UBR2: variants seen among roughly 807,000 people sequenced by gnomAD.
UBR2 encodes the protein ubiquitin protein ligase E3 component n-recognin 2.
A neutral mutation model predicts 247.9 loss-of-function variants in UBR2; 92 were observed. The observed-to-expected ratio is 0.37, with a 90% CI of 0.31 to 0.44. The LOEUF is 0.44. UBR2 is among the 20% of genes least tolerant of loss of function. The pLI is 1.00. For missense variants in UBR2, 1,613 were observed against 2,112.6 expected (o/e 0.76, Z 4.64); for synonymous variants, 672 against 693.5 (o/e 0.97, Z 0.49).
intron 15 of UBR2, 29 bp from the exon 16 acceptor site, chr6:42,640,180 T>A (rs1337479199): frequency 9.5e-6 from 15 of 1,571,858 alleles, no homozygotes; most frequent in Non-Finnish European, 1.3e-5. Context: ...CTGATAGAAA[T>A]ACTGTTTTTT....
chr6:42,672,890 CTAGTGTAT>C (rs1337868822), intron 36 of UBR2, among the ~76,000 whole-genome samples: 1 of 152,120 alleles, frequency 6.6e-6, no homozygotes, highest in Non-Finnish European at 1.5e-5. Context: ...GAACCAAGAC[CTAGTGTAT>C]ATAGTAGGAC....
chr6:42,641,565 A>AT lies in UBR2; in HGVS notation c.1921-11dup, dbSNP rs1244508573. 1.3e-6 allele frequency: 2 copies of AT among 1,564,218 alleles called. No individual in the cohort carries two copies. Among genetic ancestry groups the AT allele is most frequent in the African/African-American group, 1.4e-5 (1 of 70,926 alleles). ...TGTTTTTTTTGTTTTCTGTTTTTTT[A>AT]TTTTTTGTATATATAGAGTGAACTT... On this transcript the variant is annotated splice_polypyrimidine_tract_variant and intron_variant, in intron 16 of 46. Transcript: ENST00000372901.
Position 42,619,453 on chromosome 6 carries a change from A to ATATAAATTTTTTTTT in UBR2, c.1281+1947_1281+1948insATAAATTTTTTTTTT. ...TATATATATATATATATATATATAT[A>ATATAAATTTTTTTTT]TTTTTTTTTTTTAGTTCTCTATCTC... On this transcript the variant is annotated intron_variant, in intron 11 of 46. Coordinates refer to ENST00000372901, the MANE Select transcript of UBR2 (RefSeq NM_001363705.2). 8.0e-4 allele frequency: 19 copies of ATATAAATTTTTTTTT among 23,716 alleles called. 2 individuals are homozygous for ATATAAATTTTTTTTT. The highest frequency in any genetic ancestry group is 2.4e-3 in the African/African-American group (19 of 8,076). 1.5% of individuals were successfully genotyped at this position (23,716 alleles called of 1,614,324 possible). A position where few individuals can be genotyped will look rare whatever the true frequency, so the allele number is the denominator to read the frequency against.
At position 42,581,497 on chromosome 6, in the gene UBR2, G is replaced by C. The variant is rs980214118; in HGVS notation, c.338+7504G>C. Among the ~76,000 whole-genome samples, 5 of 152,168 alleles carry C rather than the reference G, an allele frequency of 3.3e-5. No individual in the cohort carries two copies. The East Asian group carries it at 5.8e-4, about 18-fold the overall frequency. ...TGAGCCACTGTGCCCAGCCAACCTG[G>C]CTAATTTTTTGAAGAGACAAGGTCT... On this transcript the variant is annotated intron_variant, in intron 2 of 46. Transcript: ENST00000372901.
intron 38 of UBR2, 34 bp from the exon 39 acceptor site, chr6:42,676,022 G>A: frequency 6.4e-7 from 1 of 1,556,400 alleles, no homozygotes; most frequent in Non-Finnish European, 8.6e-7. Context: ...GAAAGGAAAG[G>A]CGATCTGTCT....
chr6:42,673,639 G>A (rs1447515694), intron 36 of UBR2, 152 bp from the exon 37 acceptor site: 1 of 591,702 alleles, frequency 1.7e-6, no homozygotes, highest in Non-Finnish European at 3.0e-6. Flanking sequence ...CATTTATCCT[G>A]TGTTAGAGGC....
intron 45 of UBR2, 97 bp downstream of exon 45, chr6:42,688,483 C>A: frequency 7.1e-7 from 1 of 1,409,940 alleles, no homozygotes; most frequent in Non-Finnish European, 9.7e-7. Context: ...AATTTTGAGA[C>A]TACTGTTCCG....
intron 9 of UBR2, among the ~76,000 whole-genome samples, chr6:42,615,502 G>A (rs372956863): frequency 6.6e-6 from 1 of 152,152 alleles, no homozygotes; most frequent in Admixed American, 6.5e-5. Flanking sequence ...GGCAACAGGA[G>A]TGCAGTGGCA....
At chr6:42,687,980 TA>T (rs1340786566) in intron 44 of UBR2, among the ~76,000 whole-genome samples, 2 of 24,914 alleles carry the variant, frequency 8.0e-5, no homozygotes, top group African/African-American at 2.1e-4. Context: ...TGATTTTATT[TA>T]TTTTTTTTTC....
intron 15 of UBR2, among the ~76,000 whole-genome samples, chr6:42,639,662 G>T (rs533179774): frequency 2.0e-5 from 3 of 152,276 alleles, no homozygotes; most frequent in African/African-American, 7.2e-5. Context: ...CAGTTTTTCC[G>T]ATCAGTGGCC....
At chr6:42,617,090 C>T in intron 10 of UBR2, 6 of 659,398 alleles carry the variant, frequency 9.1e-6, no homozygotes, top group Non-Finnish European at 1.6e-5. Context: ...GAATCAATAT[C>T]TATACAGGAT....
At chr6:42,594,089 A>T (rs1792826325) in intron 3 of UBR2, 102 bp from the exon 4 acceptor site, 1 of 802,970 alleles carries the variant, frequency 1.2e-6, no homozygotes, top group Non-Finnish European at 1.9e-6. Flanking sequence ...GAAATTAAAC[A>T]CTTAAGCAAT....
chr6:42,684,618 TG>T lies in UBR2; in HGVS notation c.4776-175del, dbSNP rs1799264946. 2.0e-5 allele frequency among the ~76,000 whole-genome samples: 3 copies of T among 150,510 alleles called. No homozygotes were observed. In the South Asian group the frequency reaches 6.3e-4, roughly 32 times the overall value. ...CAAAAAACAAAAACAAAAAAAAAACTGTCTAAAATAATCCCCCCTTCAGTTT... is the reference window on the plus strand; with the variant it reads ...CAAAAAACAAAAACAAAAAAAAAACTTCTAAAATAATCCCCCCTTCAGTTT... On this transcript the variant is annotated intron_variant, in intron 43 of 46. Transcript: ENST00000372901.
In UBR2 at chr6:42,678,577, G is replaced by A. The variant is rs1192076607; in HGVS notation, c.4517G>A (p.Arg1506Lys). Residue 1506 changes from arginine to lysine, a missense_variant, in exon 41 of 47, where the codon AGG becomes AAG. Physicochemically the swap from Arg to Lys is conservative, Grantham distance 26 (BLOSUM62 2). Coordinates refer to ENST00000372901, the MANE Select transcript of UBR2 (RefSeq NM_001363705.2). The stretch of plus-strand genomic sequence containing the variant: ...ATACCATCCGGCTGGCATCTGTGGA[G>A]GAGTGTCAGAGCTGGAATCATGCCT... ...KEIPSGWHLW[R>K]SVRAGIMPFL... 1 of 1,613,682 alleles carries A rather than the reference G, an allele frequency of 6.2e-7. No homozygotes were observed.
At position 42,631,891 on chromosome 6, in the gene UBR2, A is replaced by ATATATATATATATATATATAT. The variant is rs752152787; in HGVS notation, c.1282-661_1282-660insTATATATATATATATATATAT. Among the ~76,000 whole-genome samples, 128 of 114,022 alleles carry ATATATATATATATATATATAT rather than the reference A, an allele frequency of 1.1e-3. 8 individuals carry two copies. Among genetic ancestry groups the ATATATATATATATATATATAT allele is most frequent in the Non-Finnish European group, 1.3e-3 (76 of 56,554 alleles). The allele number at this position is 114,022 out of a possible 152,430, so 74.8% of individuals were successfully genotyped here. ...ATATATATATATATATATATATATAAATACAGGTTCTGTAATTATATATAT... is the reference window on the plus strand; with the variant it reads ...ATATATATATATATATATATATATAATATATATATATATATATATATATACAGGTTCTGTAATTATATATAT... On this transcript the variant is annotated intron_variant, in intron 11 of 46. Coordinates refer to ENST00000372901, the MANE Select transcript of UBR2 (RefSeq NM_001363705.2).
rs377412668 is a variant in UBR2 at position 42,663,297 on chromosome 6, A to G, written c.3576A>G (p.Gln1192=). The G allele has an allele frequency of 6.2e-7, 1 of 1,613,000 alleles. No individual in the cohort carries two copies. The highest frequency in any genetic ancestry group is 8.5e-7 in the Non-Finnish European group (1 of 1,179,664). ...TTCAAGCTAAAGAACAGCGAAGGCA[A>G]CAGAGATTACGCTTACATACGAGCT... The part of the protein sequence containing the change: ...DSVQAKEQRR[Q]QRLRLHTSYD... The change falls in exon 32 of 47, where the codon CAA becomes CAG. Residue 1192 remains glutamine, a synonymous_variant. Transcript: ENST00000372901.
chr6:42,632,365 G>C (rs1219246523), intron 11 of UBR2, among the ~76,000 whole-genome samples, 187 bp from the exon 12 acceptor site: 1 of 151,986 alleles, frequency 6.6e-6, no homozygotes, highest in Non-Finnish European at 1.5e-5. Context: ...TATAATTGTT[G>C]CTTCATACAC....
At chr6:42,657,696 C>G (rs1582663756) in intron 26 of UBR2, among the ~76,000 whole-genome samples, 1 of 152,256 alleles carries the variant, frequency 6.6e-6, no homozygotes, top group South Asian at 2.1e-4. Flanking sequence ...CCTCTTAATG[C>G]TAATTTATTT....
At chr6:42,614,859 T>C (rs73440654) in intron 8 of UBR2, among the ~76,000 whole-genome samples, 1 of 152,180 alleles carries the variant, frequency 6.6e-6, no homozygotes, top group African/African-American at 2.4e-5. Flanking sequence ...TATTTTGACT[T>C]TCAGGAGTAA....
Sources: allele counts gnomAD v4.1 joint callset (sites outside exome capture counted in the v4.1 genomes callset), GRCh38; gene constraint gnomAD v4.1.1; transcripts MANE v1.5; gene names NCBI Gene and HGNC (gene_info 2026-07-23, HGNC 2026-07-21).